The following SPAG9 variants were observed in gnomAD, a reference collection of about 807,000 sequenced individuals.
SPAG9 encodes sperm associated antigen 9.
Under a neutral mutation model 166.5 loss-of-function variants are expected in SPAG9, and 35 were observed. The observed-to-expected ratio is 0.21, with a 90% confidence interval of 0.16 to 0.28. The LOEUF is 0.28. SPAG9 is among the 10% of genes least tolerant of loss of function. The probability of loss-of-function intolerance (pLI) is 1.00; values close to 1 mark genes in which losing one functional copy is unlikely to be tolerated. For synonymous variants in SPAG9, 534 were observed against 565.5 expected, an observed-to-expected ratio of 0.94 and a Z score of 0.79; for missense variants, 1,235 against 1,603.3, an observed-to-expected ratio of 0.77 and a Z score of 3.92.
intron 2 of SPAG9, among the ~76,000 whole-genome samples, chr17:51,072,587 G>A (rs1324714593): frequency 2.6e-5 from 4 of 151,794 alleles, no homozygotes; most frequent in Non-Finnish European, 2.9e-5. Flanking sequence ...AGAGGCTGAG[G>A]CAGAAAGAAT....
chr17:50,985,065 C>G, intron 23 of SPAG9, 75 bp from the exon 24 acceptor site: 1 of 1,302,000 alleles, frequency 7.7e-7, no homozygotes, highest in Non-Finnish European at 1.1e-6. Flanking sequence ...TGAACTAGTT[C>G]AAGGCCTCAC....
intron 9 of SPAG9, among the ~76,000 whole-genome samples, chr17:51,011,385 CTT>C (rs148325625): frequency 1.3e-4 from 18 of 139,314 alleles, no homozygotes; most frequent in Non-Finnish European, 1.1e-4. Context: ...AAGCCAAGGA[CTT>C]TTTTTTTTTT....
intron 1 of SPAG9, among the ~76,000 whole-genome samples, chr17:51,082,817 G>GT (rs1330741715): frequency 6.6e-6 from 1 of 151,920 alleles, no homozygotes. Flanking sequence ...TTTTGTTTTT[G>GT]TTTTTTTGTC....
intron 10 of SPAG9, 63 bp downstream of exon 10, chr17:51,007,206 G>A: frequency 2.1e-6 from 2 of 933,564 alleles, no homozygotes; most frequent in Non-Finnish European, 1.7e-6. Flanking sequence ...AAACGATGAA[G>A]TGTCATTGAC....
intron 1 of SPAG9, among the ~76,000 whole-genome samples, chr17:51,107,294 AT>A (rs1438731904): frequency 6.6e-6 from 1 of 152,074 alleles, no homozygotes; most frequent in East Asian, 1.9e-4. Context: ...CACACCTGCA[AT>A]CCCAGCACCT....
At chr17:50,975,024 TTATGA>T in intron 27 of SPAG9, 77 bp from the exon 28 acceptor site, 1 of 1,336,946 alleles carries the variant, frequency 7.5e-7, no homozygotes, top group Non-Finnish European at 1.0e-6. Flanking sequence ...TGGTTAATCC[TTATGA>T]TATTATCTAA....
At chr17:51,024,617 G>A (rs574567826) in intron 6 of SPAG9, among the ~76,000 whole-genome samples, 1 of 151,288 alleles carries the variant, frequency 6.6e-6, no homozygotes. Flanking sequence ...CGAGGCTGAG[G>A]CAGGAGAATC....
chr17:51,020,312 T>G, intron 7 of SPAG9, 54 bp from the exon 8 acceptor site: 1 of 1,192,506 alleles, frequency 8.4e-7, no homozygotes, highest in Non-Finnish European at 1.2e-6. Context: ...AGTACCCCAA[T>G]ATAAAAATCC....
chr17:51,015,500 C>A (rs2045659456), intron 8 of SPAG9, among the ~76,000 whole-genome samples: 1 of 151,884 alleles, frequency 6.6e-6, no homozygotes, highest in Non-Finnish European at 1.5e-5. Context: ...AATAAAACAG[C>A]CACAGAGTAC....
chr17:51,120,662 C>CA lies in SPAG9; in HGVS notation c.-7dup. The CA allele has an allele frequency of 6.3e-7, 1 of 1,580,408 alleles. No homozygotes were observed. Among genetic ancestry groups the CA allele is most frequent in the South Asian group, 1.1e-5 (1 of 87,970 alleles). On this transcript the variant is annotated 5_prime_UTR_variant, in exon 1 of 30. Transcript: ENST00000262013. The surrounding 1 kb of genome is among the most constrained non-coding windows in gnomAD (Gnocchi z 4.7). ...ACACCGTCCTCCAGCTCCATGGTGGCAAGCGGACGGGCGGGCGGCCCGGGG... is the reference window on the plus strand; with the variant it reads ...ACACCGTCCTCCAGCTCCATGGTGGCAAAGCGGACGGGCGGGCGGCCCGGGG...
intron 7 of SPAG9, 89 bp downstream of exon 7, chr17:51,021,069 C>A: frequency 9.3e-7 from 1 of 1,080,304 alleles, no homozygotes; most frequent in Non-Finnish European, 1.4e-6. Context: ...ACAAAGCAGG[C>A]AACACCCACA....
chr17:50,981,875 C>CA (rs1033184845), intron 25 of SPAG9, among the ~76,000 whole-genome samples: 4 of 151,258 alleles, frequency 2.6e-5, no homozygotes, highest in Admixed American at 6.6e-5. Context: ...ACTAAAAATA[C>CA]AAAAAAAATT....
At chr17:51,057,394 T>C (rs779454450) in intron 2 of SPAG9, among the ~76,000 whole-genome samples, 8 of 152,164 alleles carry the variant, frequency 5.3e-5, no homozygotes, top group Non-Finnish European at 7.4e-5. Flanking sequence ...TAGTTGAAAA[T>C]GTTCCCTGGG....
chr17:50,986,897 C>T (rs1191416685), intron 22 of SPAG9, among the ~76,000 whole-genome samples: 1 of 152,166 alleles, frequency 6.6e-6, no homozygotes, highest in East Asian at 1.9e-4. Context: ...AGAAAGGGAA[C>T]ATTCTGTGAC....
intron 11 of SPAG9, among the ~76,000 whole-genome samples, chr17:51,005,542 T>C (rs993230955): frequency 3.3e-5 from 5 of 152,226 alleles, no homozygotes; most frequent in Non-Finnish European, 5.9e-5. Flanking sequence ...TTTGCATCAT[T>C]ATAGACATAA....
At chr17:51,117,139 A>G (rs2049312927) in intron 1 of SPAG9, among the ~76,000 whole-genome samples, 1 of 152,186 alleles carries the variant, frequency 6.6e-6, no homozygotes, top group Non-Finnish European at 1.5e-5. Context: ...AAATTCAAAT[A>G]AAAGCAAAGG....
intron 12 of SPAG9, 23 bp downstream of exon 12, chr17:51,005,189 A>G (rs990253529): frequency 3.7e-6 from 6 of 1,611,264 alleles, no homozygotes; most frequent in Non-Finnish European, 5.1e-6. Context: ...GGTAAGAAAA[A>G]AAGTCCAAAA....
At chr17:51,086,461 T>C (rs1281094837) in intron 1 of SPAG9, among the ~76,000 whole-genome samples, 1 of 149,002 alleles carries the variant, frequency 6.7e-6, no homozygotes, top group East Asian at 2.0e-4. Flanking sequence ...AGCAACATGG[T>C]GAGACCCCAT....
chr17:50,967,968 T>C (rs1180966350), intron 29 of SPAG9, among the ~76,000 whole-genome samples: 6 of 152,162 alleles, frequency 3.9e-5, no homozygotes, highest in Non-Finnish European at 8.8e-5. Flanking sequence ...GAATTTTTAG[T>C]GGAAATGGAA....
Sources: allele counts gnomAD v4.1 joint callset (sites outside exome capture counted in the v4.1 genomes callset), GRCh38; gene constraint gnomAD v4.1.1; non-coding constraint Gnocchi (gnomAD v3.1); transcripts MANE v1.5; gene names NCBI Gene and HGNC (gene_info 2026-07-23, HGNC 2026-07-21).